The following AREL1 variants were observed in gnomAD, a reference collection of about 807,000 sequenced individuals.
AREL1 encodes the protein apoptosis-resistant E3 ubiquitin protein ligase 1.
A neutral mutation model predicts 99.0 loss-of-function variants in AREL1; 62 were observed. The observed-to-expected ratio is 0.63, with a 90% confidence interval of 0.51 to 0.77. The LOEUF is 0.77. Among genes scored for constraint, AREL1 ranks in the 30% least tolerant of loss-of-function variants. The pLI, the probability that AREL1 is intolerant of heterozygous loss-of-function variation, is 0.00. For synonymous variants in AREL1, 380 were observed against 376.5 expected (o/e 1.01, Z -0.11); for missense variants, 879 against 1,027.6 (o/e 0.86, Z 1.98).
chr14:74,683,387 G>A lies in AREL1; in HGVS notation c.390C>T (p.Phe130=). 1.2e-6 allele frequency: 2 copies of A among 1,614,092 alleles called. No homozygotes were observed. The highest frequency in any genetic ancestry group is 1.7e-6 in the Non-Finnish European group (2 of 1,180,016). The change falls in exon 5 of 20, where the codon TTC becomes TTT. Residue 130 remains phenylalanine, a synonymous_variant. Coordinates refer to ENST00000356357, the MANE Select transcript of AREL1 (RefSeq NM_001039479.2). ...CATAACGCCCAGCCTTGCGCACAGT[G>A]AAGGCCACTTTTACTACGTTGGAAT... The part of the protein sequence containing the change: ...EPNSNVVKVA[F]TVRKAGRYEI...
At chr14:74,684,370 T>TA in intron 4 of AREL1, 84 bp downstream of exon 4, 1 of 1,234,190 alleles carries the variant, frequency 8.1e-7, no homozygotes, top group Non-Finnish European at 1.2e-6. Flanking sequence ...GAGAAAATGT[T>TA]AACATTCCAG....
intron 11 of AREL1, among the ~76,000 whole-genome samples, 186 bp from the exon 12 acceptor site, chr14:74,671,669 A>G (rs1487782293): frequency 2.0e-5 from 3 of 152,234 alleles, no homozygotes; most frequent in African/African-American, 7.2e-5. Context: ...CTTCAAATTT[A>G]AAGTTTTAAA....
intron 8 of AREL1, 27 bp downstream of exon 8, chr14:74,675,671 AT>A (rs769797690): frequency 1.9e-6 from 3 of 1,604,646 alleles, no homozygotes; most frequent in Non-Finnish European, 2.6e-6. Flanking sequence ...AAGCAGGGGG[AT>A]TTTATGTCGA....
At chr14:74,693,885 A>G (rs1250291898) in intron 1 of AREL1, among the ~76,000 whole-genome samples, 3 of 152,246 alleles carry the variant, frequency 2.0e-5, no homozygotes, top group South Asian at 2.1e-4. Flanking sequence ...AGTTTAAAAT[A>G]CAGCAACATG....
At chr14:74,665,031 C>T (rs1211579598) in intron 17 of AREL1, 106 bp from the exon 18 acceptor site, 5 of 846,694 alleles carry the variant, frequency 5.9e-6, no homozygotes, top group African/African-American at 1.7e-5. Flanking sequence ...GAAAACATTA[C>T]CAGGAAAAAG....
chr14:74,688,821 C>T (rs2089804646), intron 2 of AREL1, among the ~76,000 whole-genome samples: 1 of 151,412 alleles, frequency 6.6e-6, no homozygotes, highest in Admixed American at 6.6e-5. Context: ...AAAAGCCCTT[C>T]TATTTTATTT....
At chr14:74,682,510 A>G (rs1440969150) in intron 5 of AREL1, among the ~76,000 whole-genome samples, 1 of 152,246 alleles carries the variant, frequency 6.6e-6, no homozygotes, top group Non-Finnish European at 1.5e-5. Context: ...AAAATACGGC[A>G]TGTACATAAA....
chr14:74,683,087 G>A (rs947183963), intron 5 of AREL1, among the ~76,000 whole-genome samples: 3 of 151,986 alleles, frequency 2.0e-5, no homozygotes, highest in African/African-American at 7.2e-5. Flanking sequence ...CATGTATGGG[G>A]TTTCTTTTTG....
Position 74,676,248 on chromosome 14 carries a change from T to A in AREL1, c.725A>T (p.Gln242Leu). 6.2e-7 allele frequency: 1 copy of A among 1,614,188 alleles called. No homozygotes were observed. The highest frequency in any genetic ancestry group is 8.5e-7 in the Non-Finnish European group (1 of 1,180,030). The change falls in exon 7 of 20, where the codon CAG (glutamine) becomes CTG (leucine). Residue 242 changes from glutamine (Q) to leucine (L), a missense_variant. By Grantham distance (113) the Gln-to-Leu change is moderately radical. Coordinates refer to ENST00000356357, the MANE Select transcript of AREL1 (RefSeq NM_001039479.2). ...ATGCAGGGTGAGTCGCAAGAACACC[T>A]GGAAAGTCTGCCTGTTGGATGTTAC... ...KSVTSNRQTF[Q>L]VFLRLTLHSR... is the part of the protein sequence containing the mutation.
At chr14:74,668,074 G>A (rs1025236403) in intron 15 of AREL1, among the ~76,000 whole-genome samples, 1 of 152,216 alleles carries the variant, frequency 6.6e-6, no homozygotes, top group African/African-American at 2.4e-5. Context: ...GCCACAGTTT[G>A]ATACTTGAAG....
chr14:74,691,746 G>A lies in AREL1; in HGVS notation c.-46+295C>T, dbSNP rs181768164. Among the ~76,000 whole-genome samples the A allele has an allele frequency of 2.0e-5, 3 of 152,308 alleles. No individual in the cohort carries two copies. In the East Asian group the frequency reaches 5.8e-4, roughly 29 times the overall value. ...ATCTGTCTCAAGGGACTGTTAGAAA[G>A]TTGATTAACATACATATTCTAAAAT... On this transcript the variant is annotated intron_variant, in intron 2 of 19. Transcript: ENST00000356357.
At chr14:74,677,287 C>T (rs939309018) in intron 5 of AREL1, among the ~76,000 whole-genome samples, 2 of 151,536 alleles carry the variant, frequency 1.3e-5, no homozygotes, top group Non-Finnish European at 2.9e-5. Flanking sequence ...TTAAGGATCC[C>T]TTAAGAAGTT....
Position 74,670,858 on chromosome 14 carries a change from T to C in AREL1, c.1512A>G (p.Gly504=). ...GCTCAAACCATTCCCGGCGAGGCCC[T>C]CCCCAGTCCAGAGCTGAAAAGCATA... ...VFQDEEALDW[G]GPRREWFELI... is the part of the protein sequence containing the mutation. Residue 504 remains glycine (G), a synonymous_variant, in exon 13 of 20, where the codon GGA becomes GGG. Transcript: ENST00000356357. 12 of 1,613,920 alleles carry C rather than the reference T, an allele frequency of 7.4e-6. No homozygotes were observed. Among genetic ancestry groups the C allele is most frequent in the Non-Finnish European group, 1.0e-5 (12 of 1,179,910 alleles).
At position 74,676,777 on chromosome 14, in the gene AREL1, A is replaced by C. The variant is rs201520700; in HGVS notation, c.482-25T>G. 1.2e-4 allele frequency: 178 copies of C among 1,491,186 alleles called. No homozygotes were observed. In the African/African-American group the frequency reaches 2.3e-3, roughly 20 times the overall value. 92.4% of individuals were successfully genotyped at this position (1,491,186 alleles called of 1,614,324 possible). On this transcript the variant is annotated intron_variant, in intron 5 of 19. Coordinates refer to ENST00000356357, the MANE Select transcript of AREL1 (RefSeq NM_001039479.2). Reference sequence around the variant, plus strand: ...CCTGGAACAAAGACAATGGAATCTAACATTTATTTATTTTATTTTTTTATT... The same window carrying C: ...CCTGGAACAAAGACAATGGAATCTACCATTTATTTATTTTATTTTTTTATT...
At chr14:74,695,891 A>T (rs2139958685) in intron 1 of AREL1, among the ~76,000 whole-genome samples, 1 of 152,344 alleles carries the variant, frequency 6.6e-6, no homozygotes, top group East Asian at 1.9e-4. Flanking sequence ...TAGAGCAATC[A>T]GTATGAGAAG....
intron 1 of AREL1, among the ~76,000 whole-genome samples, chr14:74,696,758 G>A (rs993450039): frequency 6.6e-5 from 10 of 151,930 alleles, no homozygotes; most frequent in African/African-American, 1.7e-4. Flanking sequence ...TGAGGTCAGG[G>A]GTTTGAGAAA....
At chr14:74,709,642 C>A (rs1281969800) in intron 1 of AREL1, among the ~76,000 whole-genome samples, 3 of 152,272 alleles carry the variant, frequency 2.0e-5, no homozygotes, top group South Asian at 2.1e-4. Flanking sequence ...GCAGAACATG[C>A]TGTATGCCAT....
chr14:74,710,278 A>G (rs977354123), intron 1 of AREL1, among the ~76,000 whole-genome samples: 8 of 152,234 alleles, frequency 5.3e-5, no homozygotes, highest in Non-Finnish European at 1.2e-4. Flanking sequence ...TTCCTACACT[A>G]ATTTAGCTCC....
At chr14:74,709,799 T>C (rs1285626536) in intron 1 of AREL1, among the ~76,000 whole-genome samples, 1 of 152,258 alleles carries the variant, frequency 6.6e-6, no homozygotes, top group Non-Finnish European at 1.5e-5. Flanking sequence ...TGAATCTACT[T>C]ATAACTTTCT....
Sources: allele counts gnomAD v4.1 joint callset (sites outside exome capture counted in the v4.1 genomes callset), GRCh38; gene constraint gnomAD v4.1.1; transcripts MANE v1.5; gene names NCBI Gene and HGNC (gene_info 2026-07-23, HGNC 2026-07-21).